Variants in MACIR observed in about 807,000 individuals in gnomAD.
MACIR encodes UNC119-binding protein C5orf30.
Under a neutral mutation model 14.3 loss-of-function variants are expected in MACIR, and 4 were observed. The ratio of observed to expected loss-of-function variants is 0.28; its 90% CI spans 0.14 to 0.64. The LOEUF is 0.64. Ranked by LOEUF, MACIR falls within the 30% of genes least tolerant of loss-of-function variation. The pLI, the probability that MACIR is intolerant of heterozygous loss-of-function variation, is 0.83. For missense variants in MACIR, 228 were observed against 257.6 expected (o/e 0.89, Z 0.79); for synonymous variants, 101 against 102.4 (o/e 0.99, Z 0.08).
At chr5:103,260,972 A>G (rs1392919308) in intron 1 of MACIR, among the ~76,000 whole-genome samples, 6 of 152,250 alleles carry the variant, frequency 3.9e-5, no homozygotes, top group Admixed American at 3.9e-4. Flanking sequence ...TAAAGGCTGC[A>G]TGTTGACCTT....
chr5:103,269,387 T>C (rs1013943204), intron 2 of MACIR, among the ~76,000 whole-genome samples: 1 of 152,218 alleles, frequency 6.6e-6, no homozygotes, highest in Admixed American at 6.5e-5. Flanking sequence ...ACATTTTTAT[T>C]CTGCATATTT....
intron 2 of MACIR, among the ~76,000 whole-genome samples, chr5:103,273,481 A>G (rs924138568): frequency 5.3e-5 from 8 of 152,148 alleles, no homozygotes; most frequent in Non-Finnish European, 1.2e-4. Flanking sequence ...TTTTGCAGGT[A>G]CTTCCAGGTA....
chr5:103,268,036 G>T (rs2149927267), intron 2 of MACIR, among the ~76,000 whole-genome samples: 1 of 152,276 alleles, frequency 6.6e-6, no homozygotes, highest in East Asian at 1.9e-4. Context: ...TTGCTGAGTG[G>T]TATCCATTGT....
intron 2 of MACIR, among the ~76,000 whole-genome samples, chr5:103,273,314 C>A (rs1047489440): frequency 6.6e-6 from 1 of 151,696 alleles, no homozygotes; most frequent in African/African-American, 2.4e-5. Flanking sequence ...GTGTGAAGAT[C>A]CTGTTTGGAT....
At chr5:103,271,118 G>T (rs1805107600) in intron 2 of MACIR, among the ~76,000 whole-genome samples, 1 of 152,080 alleles carries the variant, frequency 6.6e-6, no homozygotes, top group Non-Finnish European at 1.5e-5. Flanking sequence ...TGCTGCTGAT[G>T]TATAAATGAA....
At chr5:103,258,730 C>G (rs1430570746), upstream of MACIR, 1 of 152,784 alleles carries the variant, frequency 6.5e-6, no homozygotes, top group East Asian at 1.9e-4. Context: ...GGGGACTAAG[C>G]AGGGCGGTAG....
At chr5:103,266,570 G>A (rs1804931153) in intron 2 of MACIR, among the ~76,000 whole-genome samples, 2 of 152,060 alleles carry the variant, frequency 1.3e-5, no homozygotes, top group South Asian at 2.1e-4. Context: ...TGTCATCTGT[G>A]TATCTTTGCT....
intron 2 of MACIR, among the ~76,000 whole-genome samples, chr5:103,271,636 G>C (rs977207113): frequency 6.6e-6 from 1 of 151,984 alleles, no homozygotes; most frequent in Non-Finnish European, 1.5e-5. Flanking sequence ...AAATACATTG[G>C]TGCTATTGTT....
chr5:103,258,941 T>G (rs1804557214), intron 1 of MACIR, 45 bp downstream of exon 1: 1 of 152,324 alleles, frequency 6.6e-6, no homozygotes. Context: ...CCTTTTGTGC[T>G]GCAGAAAAGG....
At chr5:103,272,387 G>A (rs1284236101) in intron 2 of MACIR, among the ~76,000 whole-genome samples, 2 of 144,658 alleles carry the variant, frequency 1.4e-5, no homozygotes, top group Admixed American at 1.4e-4. Context: ...CCAGAATTCT[G>A]GAGTTAGGAG....
rs11304473 is a variant in MACIR, at chr5:103,273,347, A to AT, written c.-23-2537dup. ...GATTGTTCTCTTCCCAAGCCAATTG[A>AT]TTTTTTTTTTTTTATGGTGTTATTG... On this transcript the variant is annotated intron_variant, in intron 2 of 2. Coordinates refer to ENST00000319933, the MANE Select transcript of MACIR (RefSeq NM_033211.4). Among the ~76,000 whole-genome samples the AT allele has an allele frequency of 3.6e-3, 524 of 147,366 alleles. 1 individual carries two copies. The highest frequency in any genetic ancestry group is 4.3e-3 in the South Asian group (20 of 4,608).
intron 1 of MACIR, among the ~76,000 whole-genome samples, chr5:103,261,080 G>A (rs1804665510): frequency 6.6e-6 from 1 of 152,202 alleles, no homozygotes; most frequent in African/African-American, 2.4e-5. Flanking sequence ...TAGTAACCTA[G>A]GTTTAATTTT....
intron 2 of MACIR, among the ~76,000 whole-genome samples, chr5:103,268,962 G>A (rs1805027471): frequency 6.6e-6 from 1 of 152,096 alleles, no homozygotes; most frequent in South Asian, 2.1e-4. Flanking sequence ...GCTCGCACCT[G>A]TAATTCTAGC....
rs1464926986 is a variant in MACIR at position 103,258,769 on chromosome 5, G to A, written c.-241G>A. ...GCGCCGAGCGCGGTGGGAGAGGAGA[G>A]GGTACCCGGCTGGCTCGGCTGGCGG... On this transcript the variant is annotated 5_prime_UTR_variant, in exon 1 of 3. Coordinates refer to ENST00000319933, the MANE Select transcript of MACIR (RefSeq NM_033211.4). The A allele has an allele frequency of 6.5e-6, 1 of 152,824 alleles. No homozygotes were observed. The highest frequency in any genetic ancestry group is 6.5e-5 in the Admixed American group (1 of 15,286). The allele number at this position is 152,824 out of a possible 1,614,324, so 9.5% of individuals were successfully genotyped here. A position where few individuals can be genotyped will look rare whatever the true frequency, so the allele number is the denominator to read the frequency against.
At chr5:103,259,522 C>G (rs1554236006) in intron 1 of MACIR, 1 of 152,204 alleles carries the variant, frequency 6.6e-6, no homozygotes, top group Non-Finnish European at 1.5e-5. Flanking sequence ...GCGTGCCCGG[C>G]CGCGCTCAGG....
intron 2 of MACIR, among the ~76,000 whole-genome samples, chr5:103,275,493 G>A (rs1288712640): frequency 6.6e-6 from 1 of 152,164 alleles, no homozygotes; most frequent in East Asian, 1.9e-4. Context: ...GAAATATTTT[G>A]TGTGTTCTTA....
chr5:103,266,821 A>G (rs1322111575), intron 2 of MACIR, among the ~76,000 whole-genome samples: 3 of 152,172 alleles, frequency 2.0e-5, no homozygotes, highest in Non-Finnish European at 2.9e-5. Flanking sequence ...CAGCAGAATG[A>G]TTCAAAGGAA....
chr5:103,272,209 C>T (rs933431222), intron 2 of MACIR, among the ~76,000 whole-genome samples: 1 of 152,106 alleles, frequency 6.6e-6, no homozygotes, highest in African/African-American at 2.4e-5. Flanking sequence ...GAAGAATATA[C>T]TGCTAAACAC....
intron 1 of MACIR, among the ~76,000 whole-genome samples, chr5:103,264,864 C>G (rs535233768): frequency 6.6e-6 from 1 of 152,048 alleles, no homozygotes; most frequent in Admixed American, 6.5e-5. Context: ...TTTTTTCTTG[C>G]AGTTTGTCTT....
Sources: gnomAD v4.1 joint callset for allele counts (sites outside exome capture counted in the v4.1 genomes callset) on GRCh38, gnomAD v4.1.1 for gene constraint, MANE v1.5 for transcripts, NCBI Gene and HGNC (gene_info 2026-07-23, HGNC 2026-07-21) for gene names.